Variants in ASAP2 observed in about 807,000 individuals in gnomAD.
The protein encoded by ASAP2 is ArfGAP with SH3 domain, ankyrin repeat and PH domain 2, also known as arf-GAP with SH3 domain, ANK repeat and PH domain-containing protein 2.
In ASAP2, 45 loss-of-function variants were observed where a neutral mutation model predicts 131.4. The observed-to-expected ratio is 0.34, with a 90% CI of 0.27 to 0.44. The LOEUF (loss-of-function observed/expected upper bound fraction) is 0.44, where lower values mean the gene tolerates loss of function less well. Ranked by LOEUF, ASAP2 falls within the 20% of genes least tolerant of loss-of-function variation. ASAP2 has a pLI of 1.00. For missense variants in ASAP2, 1,011 were observed against 1,297.0 expected (o/e 0.78, Z 3.39); for synonymous variants, 510 against 503.0 (o/e 1.01, Z -0.19).
At chr2:9,235,573 G>A (rs573862699) in intron 1 of ASAP2, among the ~76,000 whole-genome samples, 1 of 152,298 alleles carries the variant, frequency 6.6e-6, no homozygotes, top group African/African-American at 2.4e-5. Context: ...AGTGAAGGGA[G>A]TGAAGTAAAG....
chr2:9,233,312 C>T (rs1265963247), intron 1 of ASAP2, among the ~76,000 whole-genome samples: 1 of 152,186 alleles, frequency 6.6e-6, no homozygotes, highest in Non-Finnish European at 1.5e-5. Context: ...GAATAAACAT[C>T]CTCAGAATGG....
intron 2 of ASAP2, among the ~76,000 whole-genome samples, chr2:9,282,807 TG>T (rs1232697164): frequency 5.9e-5 from 9 of 152,276 alleles, no homozygotes; most frequent in African/African-American, 2.2e-4. Context: ...ATTTCCTGCC[TG>T]CTTTCCTGAT....
At chr2:9,329,741 G>A (rs74612567) in intron 7 of ASAP2, among the ~76,000 whole-genome samples, 2,516 of 152,306 alleles carry the variant, frequency 0.017, 88 homozygotes, top group African/African-American at 0.057. Context: ...GAATTGCCAT[G>A]CCTGTCTGCT....
chr2:9,348,844 A>G (rs1572516936), intron 11 of ASAP2, among the ~76,000 whole-genome samples: 1 of 152,172 alleles, frequency 6.6e-6, no homozygotes, highest in East Asian at 1.9e-4. Flanking sequence ...GAGTTGTAGT[A>G]ATTTAAGTTG....
At chr2:9,381,780 G>C (rs540597243) in intron 20 of ASAP2, among the ~76,000 whole-genome samples, 117 of 152,200 alleles carry the variant, frequency 7.7e-4, no homozygotes, top group African/African-American at 2.7e-3. Flanking sequence ...GCACGCACCT[G>C]CAGTCCCAGC....
chr2:9,316,208 G>A (rs1442141698), intron 3 of ASAP2, among the ~76,000 whole-genome samples: 1 of 151,924 alleles, frequency 6.6e-6, no homozygotes, highest in Admixed American at 6.6e-5. Context: ...TATAGTCCCA[G>A]CTACTCAGGA....
At chr2:9,367,321 C>T (rs893179778) in intron 15 of ASAP2, among the ~76,000 whole-genome samples, 4 of 152,060 alleles carry the variant, frequency 2.6e-5, no homozygotes, top group Non-Finnish European at 4.4e-5. Flanking sequence ...GTGTGAGCCA[C>T]CATGCCTGGC....
In ASAP2 at chr2:9,207,057, GGCGGCGGCGCCCCTGCGGCTGT is replaced by G. The variant is rs746804718; in HGVS notation, c.-44_-23del. On this transcript the variant is annotated 5_prime_UTR_variant, in exon 1 of 28. Transcript: ENST00000281419. This position sits in a 1 kb window ranked among gnomAD's most constrained non-coding sequence, Gnocchi z 4.1. ...GGTCGGAGCCTGCTGCGGCAGTTGA[GGCGGCGGCGCCCCTGCGGCTGT>G]GCGCCAGCGCCCTCGCGCCGAGGCG... 7.0e-7 allele frequency: 1 copy of G among 1,434,278 alleles called. No individual in the cohort carries two copies. Among genetic ancestry groups the G allele is most frequent in the South Asian group, 1.4e-5 (1 of 73,090 alleles). The allele number at this position is 1,434,278 out of a possible 1,614,324, so 88.8% of individuals were successfully genotyped here. A position where few individuals can be genotyped will look rare whatever the true frequency, so the allele number is the denominator to read the frequency against.
At chr2:9,325,891 T>C (rs1372945481) in intron 6 of ASAP2, among the ~76,000 whole-genome samples, 1 of 152,164 alleles carries the variant, frequency 6.6e-6, no homozygotes, top group African/African-American at 2.4e-5. Context: ...ACTATATGCA[T>C]GCATAAAAGC....
At position 9,374,887 on chromosome 2, in the gene ASAP2, C is replaced by T. The variant is rs1163732801; in HGVS notation, c.1689C>T (p.Leu563=). 2 of 1,613,778 alleles carry T rather than the reference C, an allele frequency of 1.2e-6. No individual in the cohort carries two copies. Among genetic ancestry groups the T allele is most frequent in the African/African-American group, 2.7e-5 (2 of 74,832 alleles). ...AVKTRDIFGL[L]QAYADGVDLT... ...AAACGAGAGATATTTTTGGATTGCTCCAAGCTTATGCTGATGGTGTGGATC... is the reference window on the plus strand; with the variant it reads ...AAACGAGAGATATTTTTGGATTGCTTCAAGCTTATGCTGATGGTGTGGATC... The change falls in exon 17 of 28, where the codon CTC becomes CTT. Residue 563 remains leucine, a synonymous_variant. Transcript: ENST00000281419.
intron 7 of ASAP2, among the ~76,000 whole-genome samples, chr2:9,334,052 T>C (rs1298290295): frequency 6.9e-6 from 1 of 145,338 alleles, no homozygotes; most frequent in Non-Finnish European, 1.5e-5. Context: ...TTTTTTTTTT[T>C]TTTTTTTTTT....
At chr2:9,324,030 G>A (rs1198991932) in intron 6 of ASAP2, among the ~76,000 whole-genome samples, 2 of 152,226 alleles carry the variant, frequency 1.3e-5, no homozygotes, top group African/African-American at 2.4e-5. Flanking sequence ...GCACTGGATG[G>A]TATTTGTTTC....
intron 15 of ASAP2, among the ~76,000 whole-genome samples, chr2:9,364,619 TAAG>T (rs1673319052): frequency 6.6e-6 from 1 of 152,250 alleles, no homozygotes; most frequent in Admixed American, 6.5e-5. Flanking sequence ...CGGTTGTTAA[TAAG>T]CTGTCAAATG....
intron 4 of ASAP2, 21 bp from the exon 5 acceptor site, chr2:9,320,267 T>C (rs749481167): frequency 6.2e-7 from 1 of 1,600,158 alleles, no homozygotes; most frequent in East Asian, 2.2e-5. Flanking sequence ...TCTTGCCTAA[T>C]TTATTATTCT....
chr2:9,386,950 A>G (rs111424665), intron 21 of ASAP2, among the ~76,000 whole-genome samples: 4,899 of 152,144 alleles, frequency 0.032, 235 homozygotes, highest in African/African-American at 0.1. Context: ...CACGCCTGTA[A>G]TCCCAGCACT....
intron 22 of ASAP2, 91 bp downstream of exon 22, chr2:9,388,637 A>G: frequency 6.7e-7 from 1 of 1,501,170 alleles, no homozygotes; most frequent in Non-Finnish European, 8.9e-7. Context: ...CAACTCAGTG[A>G]CCTTTGGGCT....
chr2:9,370,849 C>A (rs533701562), intron 16 of ASAP2, among the ~76,000 whole-genome samples: 1 of 152,266 alleles, frequency 6.6e-6, no homozygotes, highest in South Asian at 2.1e-4. Context: ...GCCTGAGGGT[C>A]CCGCTTGGTG....
At chr2:9,316,906 ACCC>A (rs371438104) in intron 3 of ASAP2, among the ~76,000 whole-genome samples, 2 of 132,924 alleles carry the variant, frequency 1.5e-5, no homozygotes, top group African/African-American at 2.8e-5. Flanking sequence ...GCCTAGCAAC[ACCC>A]CCCCAACACA....
chr2:9,261,971 C>A (rs1042557960), intron 1 of ASAP2, among the ~76,000 whole-genome samples: 2 of 152,148 alleles, frequency 1.3e-5, no homozygotes, highest in African/African-American at 4.8e-5. Context: ...ATGTGCCCCT[C>A]CCCGTGGGGA....
Sources: allele counts gnomAD v4.1 joint callset (sites outside exome capture counted in the v4.1 genomes callset), GRCh38; gene constraint gnomAD v4.1.1; non-coding constraint Gnocchi (gnomAD v3.1); transcripts MANE v1.5; gene names NCBI Gene and HGNC (gene_info 2026-07-23, HGNC 2026-07-21).